Variants in ULK4 observed in about 807,000 individuals in gnomAD.
The protein encoded by ULK4 is inactive serine/threonine-protein kinase ULK4.
Under a neutral mutation model 160.6 loss-of-function variants are expected in ULK4, and 133 were observed. The observed-to-expected ratio is 0.83, with a 90% confidence interval of 0.72 to 0.96. The LOEUF is 0.96. ULK4 is among the 40% of genes least tolerant of loss of function. The pLI is 0.00. For missense variants in ULK4, 1,580 were observed against 1,499.5 expected, an observed-to-expected ratio of 1.05 and a Z score of -0.89; for synonymous variants, 534 against 539.8, an observed-to-expected ratio of 0.99 and a Z score of 0.15.
chr3:41,797,934 AG>A (rs1182111372), intron 20 of ULK4, among the ~76,000 whole-genome samples: 1 of 151,992 alleles, frequency 6.6e-6, no homozygotes, highest in Admixed American at 6.6e-5. Context: ...AAAAGAGAAA[AG>A]AAAAGAAAAA....
intron 31 of ULK4, among the ~76,000 whole-genome samples, chr3:41,584,236 A>C (rs927547449): frequency 5.9e-5 from 9 of 152,178 alleles, no homozygotes; most frequent in East Asian, 1.9e-4. Context: ...AAATAATATA[A>C]AGGATAAATT....
chr3:41,909,290 C>T (rs1315993262), intron 11 of ULK4, among the ~76,000 whole-genome samples: 2 of 150,704 alleles, frequency 1.3e-5, no homozygotes, highest in Admixed American at 1.3e-4. Flanking sequence ...TCTTCAAATT[C>T]CCAAGTATCA....
intron 35 of ULK4, among the ~76,000 whole-genome samples, chr3:41,294,279 C>A (rs576490057): frequency 6.6e-6 from 1 of 152,298 alleles, no homozygotes; most frequent in Non-Finnish European, 1.5e-5. Flanking sequence ...CTGGAGGATG[C>A]AACATTCAAG....
intron 3 of ULK4, among the ~76,000 whole-genome samples, chr3:41,936,665 G>C (rs1358744906): frequency 6.6e-6 from 1 of 152,156 alleles, no homozygotes; most frequent in East Asian, 1.9e-4. Context: ...GCCAGGCACA[G>C]AAAGACAAAC....
intron 34 of ULK4, among the ~76,000 whole-genome samples, chr3:41,443,745 AT>A (rs2083225763): frequency 8.7e-6 from 1 of 114,416 alleles, no homozygotes; most frequent in South Asian, 2.9e-4. Context: ...TTTTAAATAT[AT>A]ATTTTCAATA....
chr3:41,784,022 C>A (rs755524504), intron 21 of ULK4, among the ~76,000 whole-genome samples: 12 of 152,142 alleles, frequency 7.9e-5, no homozygotes, highest in Non-Finnish European at 4.4e-5. Context: ...TTGATCAGGT[C>A]TTCCAGAAGC....
At chr3:41,919,659 A>T in intron 6 of ULK4, 58 bp downstream of exon 6, 1 of 1,412,114 alleles carries the variant, frequency 7.1e-7, no homozygotes, top group South Asian at 1.2e-5. Flanking sequence ...TGCAAAGTAC[A>T]GACTTAACCT....
intron 17 of ULK4, among the ~76,000 whole-genome samples, chr3:41,852,583 T>C (rs1322053941): frequency 1.4e-5 from 2 of 144,226 alleles, no homozygotes; most frequent in Non-Finnish European, 3.1e-5. Flanking sequence ...AGACCAAAAA[T>C]AGAAAAGAAG....
intron 35 of ULK4, among the ~76,000 whole-genome samples, chr3:41,383,101 CTT>C (rs982507252): frequency 2.1e-5 from 2 of 96,414 alleles, no homozygotes; most frequent in African/African-American, 7.3e-5. Context: ...TTTTTTTTTT[CTT>C]GTTTTTTTTT....
At chr3:41,881,212 A>T (rs547542741) in intron 17 of ULK4, among the ~76,000 whole-genome samples, 1 of 150,708 alleles carries the variant, frequency 6.6e-6, no homozygotes, top group African/African-American at 2.5e-5. Context: ...AATGGTTTTC[A>T]TTCATCTTAT....
intron 30 of ULK4, among the ~76,000 whole-genome samples, chr3:41,617,593 C>T (rs2033038680): frequency 6.6e-6 from 1 of 151,104 alleles, no homozygotes; most frequent in Non-Finnish European, 1.5e-5. Flanking sequence ...ATAAAAAACC[C>T]CCACACAAAA....
chr3:41,925,705 G>A (rs374441808), intron 5 of ULK4, among the ~76,000 whole-genome samples: 2 of 152,134 alleles, frequency 1.3e-5, no homozygotes, highest in South Asian at 2.1e-4. Context: ...TGGGACGCTC[G>A]AGCTTGGTGT....
chr3:41,712,867 G>T (rs1357052367), intron 25 of ULK4, among the ~76,000 whole-genome samples: 2 of 151,932 alleles, frequency 1.3e-5, no homozygotes, highest in African/African-American at 4.8e-5. Flanking sequence ...CTCCAGCCTG[G>T]GTGACAGAGC....
In ULK4 at chr3:41,566,117, C is replaced by A; in HGVS notation, c.3134G>T (p.Ser1045Ile). The A allele has an allele frequency of 1.2e-6, 2 of 1,612,586 alleles. No individual in the cohort carries two copies. The highest frequency in any genetic ancestry group is 2.2e-5 in the South Asian group (2 of 90,802). ...ACTTTGCATGGTATTACCCAGAATG[C>A]TCTCCTGATGTTCCTGCAATAGATC... ...IFEVTLEHQE[S>I]ILGNTMQSVI... Residue 1045 changes from serine (S) to isoleucine (I), a missense_variant, in exon 32 of 37, where the codon AGC becomes ATC. Ser to Ile is a moderately radical substitution (Grantham distance 142). Transcript: ENST00000301831.
chr3:41,419,147 T>C (rs2082600024), intron 34 of ULK4, among the ~76,000 whole-genome samples: 1 of 152,160 alleles, frequency 6.6e-6, no homozygotes, highest in Admixed American at 6.5e-5. Flanking sequence ...GTGGCAATTA[T>C]ATATGTGCTT....
chr3:41,530,243 A>G (rs750588208), intron 32 of ULK4, among the ~76,000 whole-genome samples: 2 of 152,190 alleles, frequency 1.3e-5, no homozygotes, highest in Non-Finnish European at 2.9e-5. Context: ...AAAAAACTTA[A>G]AACTATGAAC....
intron 32 of ULK4, among the ~76,000 whole-genome samples, chr3:41,554,483 A>G (rs1273469462): frequency 1.3e-5 from 2 of 152,152 alleles, no homozygotes; most frequent in African/African-American, 4.8e-5. Flanking sequence ...GTTCTCATTC[A>G]TATGTGCAAT....
chr3:41,614,220 C>G (rs796794084), intron 31 of ULK4, among the ~76,000 whole-genome samples: 8 of 152,252 alleles, frequency 5.3e-5, no homozygotes, highest in African/African-American at 1.9e-4. Context: ...CTTGCCACAG[C>G]AAAAGGATGA....
At chr3:41,267,202 C>A (rs192737569) in intron 35 of ULK4, among the ~76,000 whole-genome samples, 17 of 152,146 alleles carry the variant, frequency 1.1e-4, no homozygotes, top group Admixed American at 5.2e-4. Flanking sequence ...TGTGATGTTC[C>A]CCTCTCTGTG....
Sources: allele counts gnomAD v4.1 joint callset (sites outside exome capture counted in the v4.1 genomes callset), GRCh38; gene constraint gnomAD v4.1.1; transcripts MANE v1.5; gene names NCBI Gene and HGNC (gene_info 2026-07-23, HGNC 2026-07-21).